PSD3: variants seen among roughly 807,000 people sequenced by gnomAD.
The protein encoded by PSD3 is pleckstrin and Sec7 domain containing 3, also known as PH and SEC7 domain-containing protein 3.
A neutral mutation model predicts 105.5 loss-of-function variants in PSD3; 49 were observed. That is an observed-to-expected ratio of 0.46 (90% confidence interval 0.37 to 0.59). The LOEUF is 0.59. Ranked by LOEUF, PSD3 falls within the 20% of genes least tolerant of loss-of-function variation. PSD3 has a pLI of 0.00. For synonymous variants in PSD3, 557 were observed against 457.8 expected, an observed-to-expected ratio of 1.22 and a Z score of -2.77; for missense variants, 1,561 against 1,263.8, an observed-to-expected ratio of 1.24 and a Z score of -3.57.
At chr8:18,980,862 G>A (rs1586571528) in intron 1 of PSD3, among the ~76,000 whole-genome samples, 1 of 152,064 alleles carries the variant, frequency 6.6e-6, no homozygotes, top group Non-Finnish European at 1.5e-5. Flanking sequence ...GAGTGCTTCC[G>A]CCACAGTGAA....
intron 1 of PSD3, among the ~76,000 whole-genome samples, chr8:19,042,901 C>T (rs529583357): frequency 4.9e-4 from 74 of 152,298 alleles, no homozygotes; most frequent in Non-Finnish European, 4.7e-4. Flanking sequence ...TTAAACACAA[C>T]TTCCATCGTT....
chr8:18,543,553 G>A (rs2129995650), intron 15 of PSD3, among the ~76,000 whole-genome samples: 1 of 152,028 alleles, frequency 6.6e-6, no homozygotes, highest in South Asian at 2.1e-4. Context: ...AGGAGGCGGA[G>A]CTTGTAGTGA....
chr8:18,783,256 T>C (rs1411361701), intron 8 of PSD3, among the ~76,000 whole-genome samples: 1 of 152,192 alleles, frequency 6.6e-6, no homozygotes, highest in Non-Finnish European at 1.5e-5. Flanking sequence ...CTAGGTTATC[T>C]AGCTGTTGAC....
At chr8:18,915,769 T>C (rs1365952167) in intron 2 of PSD3, among the ~76,000 whole-genome samples, 1 of 152,122 alleles carries the variant, frequency 6.6e-6, no homozygotes, top group Non-Finnish European at 1.5e-5. Context: ...CTGTGTACAC[T>C]GTTGGTGGAA....
At chr8:19,059,401 G>A (rs1828817649) in intron 1 of PSD3, among the ~76,000 whole-genome samples, 1 of 152,130 alleles carries the variant, frequency 6.6e-6, no homozygotes, top group Non-Finnish European at 1.5e-5. Flanking sequence ...CTCATGAGAA[G>A]CACAAGGAAA....
chr8:19,060,660 G>A (rs1363771930), intron 1 of PSD3, among the ~76,000 whole-genome samples: 2 of 152,146 alleles, frequency 1.3e-5, no homozygotes, highest in African/African-American at 4.8e-5. Context: ...AGCAACAAAT[G>A]TCAATAGATC....
intron 2 of PSD3, among the ~76,000 whole-genome samples, chr8:18,932,466 A>G (rs1013322319): frequency 6.6e-6 from 1 of 152,232 alleles, no homozygotes; most frequent in African/African-American, 2.4e-5. Flanking sequence ...ATAACCCATG[A>G]AGATACCTAT....
chr8:18,757,895 AAAAG>A (rs1361561160), intron 9 of PSD3, among the ~76,000 whole-genome samples: 1 of 152,176 alleles, frequency 6.6e-6, no homozygotes, highest in Non-Finnish European at 1.5e-5. Context: ...TCAGTACTTT[AAAAG>A]AATGACCAAG....
chr8:18,838,617 T>C (rs1415012312), intron 4 of PSD3, among the ~76,000 whole-genome samples: 10 of 151,876 alleles, frequency 6.6e-5, no homozygotes, highest in African/African-American at 2.4e-4. Context: ...CTGGTTCACA[T>C]GGTGAAACCC....
exon 1 of PSD3, chr8:19,084,720 T>C: frequency 3.2e-6 from 1 of 311,712 alleles, no homozygotes; most frequent in Non-Finnish European, 6.3e-6. Context: ...AGCTGATTCC[T>C]CCGTCTCAGG....
chr8:18,786,159 G>A (rs938195858), intron 8 of PSD3, among the ~76,000 whole-genome samples: 1 of 152,116 alleles, frequency 6.6e-6, no homozygotes, highest in South Asian at 2.1e-4. Context: ...AGTCGAGATT[G>A]CGCCACTGCA....
intron 1 of PSD3, among the ~76,000 whole-genome samples, chr8:18,952,909 C>G (rs1823330777): frequency 6.6e-6 from 1 of 152,132 alleles, no homozygotes. Context: ...CACCACAGGT[C>G]TGACAGTAAA....
chr8:18,546,136 C>T (rs1800437467), intron 15 of PSD3, among the ~76,000 whole-genome samples: 1 of 152,084 alleles, frequency 6.6e-6, no homozygotes, highest in African/African-American at 2.4e-5. Context: ...GATGGGATTA[C>T]AGGTGCCCGC....
chr8:19,015,385 G>T (rs1016351226), upstream of PSD3, among the ~76,000 whole-genome samples: 2 of 152,164 alleles, frequency 1.3e-5, no homozygotes, highest in Admixed American at 1.3e-4. Context: ...GTGTGAAAAT[G>T]GACGAATACA....
intron 1 of PSD3, among the ~76,000 whole-genome samples, chr8:18,965,832 G>A (rs899201016): frequency 6.6e-5 from 10 of 152,188 alleles, no homozygotes; most frequent in African/African-American, 2.2e-4. Context: ...AAAGCAACAC[G>A]TGAACAAAAT....
chr8:18,850,772 T>A (rs561651792), intron 4 of PSD3, among the ~76,000 whole-genome samples: 1 of 152,146 alleles, frequency 6.6e-6, no homozygotes, highest in African/African-American at 2.4e-5. Flanking sequence ...AGGACGCGAC[T>A]CTTCCCAAGT....
In PSD3 at chr8:18,872,269, G is replaced by A. The variant is rs1410820669; in HGVS notation, c.595C>T (p.Leu199Phe). Reference sequence around the variant, plus strand: ...TCCTCCGTTGTTACTTCAGCTGAAAGAGGTATTTCTGGTAAATTTTTTTGG... The same window carrying A: ...TCCTCCGTTGTTACTTCAGCTGAAAAAGGTATTTCTGGTAAATTTTTTTGG... ...AGQKNLPEIP[L>F]SAEVTTEESF... The change falls in exon 3 of 16, where the codon CTT becomes TTT. Residue 199 changes from leucine (L) to phenylalanine (F), a missense_variant. By Grantham distance (22) the Leu-to-Phe change is conservative (BLOSUM62 0). Transcript: ENST00000327040. The A allele has an allele frequency of 6.2e-7, 1 of 1,614,246 alleles. No homozygotes were observed.
At chr8:18,897,729 T>A (rs1159871499) in intron 2 of PSD3, among the ~76,000 whole-genome samples, 1 of 152,192 alleles carries the variant, frequency 6.6e-6, no homozygotes, top group Non-Finnish European at 1.5e-5. Flanking sequence ...TTTCCTTGGT[T>A]AAATTTTTCC....
intron 9 of PSD3, among the ~76,000 whole-genome samples, chr8:18,714,529 A>T (rs544360558): frequency 6.6e-6 from 1 of 152,272 alleles, no homozygotes; most frequent in Admixed American, 6.5e-5. Flanking sequence ...TATGAAAAAA[A>T]CCCTCAATAT....
Sources: allele counts gnomAD v4.1 joint callset (sites outside exome capture counted in the v4.1 genomes callset), GRCh38; gene constraint gnomAD v4.1.1; transcripts MANE v1.5; gene names NCBI Gene and HGNC (gene_info 2026-07-23, HGNC 2026-07-21).